HHATL: variants seen among roughly 807,000 people sequenced by gnomAD.
The protein encoded by HHATL is hedgehog acyltransferase like.
In HHATL, 49 loss-of-function variants were observed where a neutral mutation model predicts 59.7. The ratio of observed to expected loss-of-function variants is 0.82; its 90% CI spans 0.65 to 1.04. The LOEUF is 1.04. HHATL is among the 50% of genes least tolerant of loss of function. The pLI is 0.00. For missense variants in HHATL, 605 were observed against 650.8 expected (o/e 0.93, Z 0.77); for synonymous variants, 238 against 257.3 (o/e 0.93, Z 0.72).
chr3:42,693,232 G>A lies in HHATL; in HGVS notation c.1249-14C>T, dbSNP rs975284995. 1 of 1,612,866 alleles carries A rather than the reference G, an allele frequency of 6.2e-7. No individual in the cohort carries two copies. The highest frequency in any genetic ancestry group is 1.3e-5 in the African/African-American group (1 of 75,052). ...TGACAGAGAGGCCTATCCGGTCCAG[G>A]AAAGCATGGGCAGCGGGACAAGAGG... On this transcript the variant is annotated splice_polypyrimidine_tract_variant and intron_variant, in intron 10 of 11. Transcript: ENST00000441594.
At chr3:42,697,729 G>A in intron 6 of HHATL, 50 bp from the exon 7 acceptor site, 1 of 1,578,706 alleles carries the variant, frequency 6.3e-7, no homozygotes, top group South Asian at 1.1e-5. Flanking sequence ...TGCCTGGGGA[G>A]CCCTGTCTGA....
intron 6 of HHATL, 100 bp downstream of exon 6, chr3:42,698,042 G>A: frequency 8.2e-7 from 1 of 1,213,314 alleles, no homozygotes; most frequent in Non-Finnish European, 1.2e-6. Flanking sequence ...GCCTGAGGAT[G>A]GGGATACAGC....
chr3:42,694,880 C>T (rs1425347521), intron 9 of HHATL, among the ~76,000 whole-genome samples: 2 of 152,198 alleles, frequency 1.3e-5, no homozygotes, highest in East Asian at 1.9e-4. Flanking sequence ...CTTCATAACA[C>T]TTACCACTCT....
Position 42,701,260 on chromosome 3 carries a change from A to G in HHATL, c.-13-421T>C. ...TGCCTGCAGGGTCCCCACCTCGATC[A>G]GTGAGTCTCCCTTAGCTCCTCACAA... On this transcript the variant is annotated intron_variant, in intron 1 of 11. Transcript: ENST00000441594. The surrounding 1 kb of genome is among the most constrained non-coding windows in gnomAD (Gnocchi z 5.1). The G allele has an allele frequency of 5.8e-6, 1 of 171,570 alleles. No homozygotes were observed. Among genetic ancestry groups the G allele is most frequent in the Non-Finnish European group, 1.3e-5 (1 of 79,424 alleles). 10.6% of individuals were successfully genotyped at this position (171,570 alleles called of 1,614,324 possible). A position where few individuals can be genotyped will look rare whatever the true frequency, so the allele number is the denominator to read the frequency against.
Position 42,698,134 on chromosome 3 carries a change from C to G in HHATL, c.693+8G>C. 1 of 1,613,434 alleles carries G rather than the reference C, an allele frequency of 6.2e-7. No individual in the cohort carries two copies. The highest frequency in any genetic ancestry group is 8.5e-7 in the Non-Finnish European group (1 of 1,179,424). The stretch of plus-strand genomic sequence containing the variant: ...CCTGTTCTAGAAGCCCACAGGGTGT[C>G]CCCTCACCTGAGCATGGAAGCGATC... On this transcript the variant is annotated splice_region_variant and intron_variant, in intron 6 of 11. Transcript: ENST00000441594.
Position 42,698,173 on chromosome 3 carries a change from G to T in HHATL, c.662C>A (p.Pro221His). The change falls in exon 6 of 12, where the codon CCC becomes CAC. Residue 221 changes from proline to histidine, a missense_variant. Coordinates refer to ENST00000441594, the MANE Select transcript of HHATL (RefSeq NM_020707.4). ...ATGGAAGCGATCAAAGGTCATGATG[G>T]GCCCGAAGAAGAAGAAGGGCAGGTA... ...NFYLPFFFFGPIMTFDRFHAQ... is the reference protein window; with the variant it reads ...NFYLPFFFFGHIMTFDRFHAQ... The T allele has an allele frequency of 1.2e-6, 2 of 1,614,184 alleles. No homozygotes were observed. The highest frequency in any genetic ancestry group is 1.7e-6 in the Non-Finnish European group (2 of 1,180,034).
intron 1 of HHATL, among the ~76,000 whole-genome samples, 192 bp downstream of exon 1, chr3:42,702,387 C>T (rs534121856): frequency 6.6e-4 from 100 of 152,362 alleles, no homozygotes; most frequent in African/African-American, 2.3e-3. Flanking sequence ...CAGCCTGGGG[C>T]CTCTCCTGAT....
Position 42,699,084 on chromosome 3 carries a change from G to A in HHATL, c.236C>T (p.Ala79Val), listed in dbSNP as rs145469527. Residue 79 changes from alanine to valine, a missense_variant, in exon 4 of 12, where the codon GCC becomes GTC. Coordinates refer to ENST00000441594, the MANE Select transcript of HHATL (RefSeq NM_020707.4). Reference sequence around the variant, plus strand: ...AGCAAACAGCACATGTCCGGAGAGGGCAAAGATGATGACGTTGCGAAAGGA... The same window carrying A: ...AGCAAACAGCACATGTCCGGAGAGGACAAAGATGATGACGTTGCGAAAGGA... ...FTSFRNVIIF[A>V]LSGHVLFAKL... 2.1e-3 allele frequency: 3,381 copies of A among 1,614,130 alleles called. 18 individuals carry two copies. Among genetic ancestry groups the A allele is most frequent in the Non-Finnish European group, 1.7e-3 (2,019 of 1,180,012 alleles).
rs1166224671 is a variant in HHATL at position 42,697,072 on chromosome 3, C to T, written c.939G>A (p.Val313=). 6.3e-7 allele frequency: 1 copy of T among 1,586,686 alleles called. No homozygotes were observed. Among genetic ancestry groups the T allele is most frequent in the Non-Finnish European group, 8.6e-7 (1 of 1,165,384 alleles). Residue 313 remains valine, a synonymous_variant, in exon 8 of 12, where the codon GTG becomes GTA. Coordinates refer to ENST00000441594, the MANE Select transcript of HHATL (RefSeq NM_020707.4). ...AAVLFGVVNT[V]ACLDHLDPPQ... is the part of the protein sequence containing the mutation. ...GTGGGTCCAGGTGGTCGAGGCATGC[C>T]ACAGTGTTGACAACACCAAAGAGGA...
chr3:42,700,334 TTGTG>T (rs1452392891), intron 2 of HHATL, among the ~76,000 whole-genome samples: 1 of 100,376 alleles, frequency 1.0e-5, no homozygotes, highest in African/African-American at 4.0e-5. Context: ...GTCTGTGTGT[TTGTG>T]TGTGTGTCTG....
intron 5 of HHATL, among the ~76,000 whole-genome samples, 174 bp downstream of exon 5, chr3:42,698,533 GA>G (rs34722222): frequency 0.32 from 48,372 of 152,126 alleles, 8,206 homozygotes; most frequent in African/African-American, 0.45. Context: ...GGATGATCTG[GA>G]TAGTTCCTCC....
chr3:42,698,952 C>A, intron 4 of HHATL, 50 bp from the exon 5 acceptor site: 1 of 1,608,332 alleles, frequency 6.2e-7, no homozygotes, highest in Non-Finnish European at 8.5e-7. Context: ...GGGGGCGTGA[C>A]CCCAGGAGGG....
chr3:42,694,527 G>GA (rs1469588417), intron 9 of HHATL, among the ~76,000 whole-genome samples: 1 of 152,162 alleles, frequency 6.6e-6, no homozygotes, highest in Non-Finnish European at 1.5e-5. Flanking sequence ...TAACCTCTCT[G>GA]AATAGCTCCC....
chr3:42,693,487 G>A, intron 10 of HHATL, 130 bp downstream of exon 10: 2 of 859,966 alleles, frequency 2.3e-6, no homozygotes, highest in Non-Finnish European at 3.6e-6. Flanking sequence ...CCATTGCTCT[G>A]ACAACTAAGA....
intron 6 of HHATL, 83 bp downstream of exon 6, chr3:42,698,059 G>A (rs956267048): frequency 7.3e-7 from 1 of 1,366,424 alleles, no homozygotes; most frequent in African/African-American, 1.4e-5. Context: ...CAGCCTGCTT[G>A]GGGAATTCTA....
At position 42,697,489 on chromosome 3, in the gene HHATL, T is replaced by C. The variant is rs1375407298; in HGVS notation, c.865+19A>G. 2.5e-6 allele frequency: 4 copies of C among 1,607,516 alleles called. No individual in the cohort carries two copies. The highest frequency in any genetic ancestry group is 3.4e-6 in the Non-Finnish European group (4 of 1,175,546). On this transcript the variant is annotated intron_variant, in intron 7 of 11. Transcript: ENST00000441594. Reference sequence around the variant, plus strand: ...CCTGGGGCGGCAGCCCTGCCCCCATTTCTCTTCTGTGGACCCACCGAGGGC... The same window carrying C: ...CCTGGGGCGGCAGCCCTGCCCCCATCTCTCTTCTGTGGACCCACCGAGGGC...
intron 9 of HHATL, among the ~76,000 whole-genome samples, chr3:42,695,370 A>G (rs1697561181): frequency 6.6e-6 from 1 of 152,134 alleles, no homozygotes; most frequent in African/African-American, 2.4e-5. Context: ...CTTCCTTGTC[A>G]TCCATCTGGG....
intron 9 of HHATL, among the ~76,000 whole-genome samples, chr3:42,695,493 C>T (rs2125850756): frequency 6.6e-6 from 1 of 152,316 alleles, no homozygotes; most frequent in South Asian, 2.1e-4. Context: ...CCAATACCAC[C>T]TGGGTACTCA....
In HHATL at chr3:42,699,045, A is replaced by G; in HGVS notation, c.275T>C (p.Met92Thr). 1 of 1,614,206 alleles carries G rather than the reference A, an allele frequency of 6.2e-7. No homozygotes were observed. Among genetic ancestry groups the G allele is most frequent in the Non-Finnish European group, 8.5e-7 (1 of 1,180,010 alleles). Reference sequence around the variant, plus strand: ...GGTCCAGCTCACCTTTGGGGCAACCATCGTGCAGAGTTTAGCAAACAGCAC... The same window carrying G: ...GGTCCAGCTCACCTTTGGGGCAACCGTCGTGCAGAGTTTAGCAAACAGCAC... ...GHVLFAKLCT[M>T]VAPKLRSWMY... Residue 92 changes from methionine to threonine, a missense_variant, in exon 4 of 12, where the codon ATG becomes ACG. Met to Thr is a moderately conservative substitution (Grantham distance 81, BLOSUM62 -1). Coordinates refer to ENST00000441594, the MANE Select transcript of HHATL (RefSeq NM_020707.4).
Sources: gnomAD v4.1 joint callset for allele counts (sites outside exome capture counted in the v4.1 genomes callset) on GRCh38, gnomAD v4.1.1 for gene constraint, Gnocchi (gnomAD v3.1) non-coding constraint, MANE v1.5 for transcripts, NCBI Gene and HGNC (gene_info 2026-07-23, HGNC 2026-07-21) for gene names.